The following C18orf54 variants were observed in gnomAD, a reference collection of about 807,000 sequenced individuals.
The protein encoded by C18orf54 is lung adenoma susceptibility protein 2.
A neutral mutation model predicts 49.3 loss-of-function variants in C18orf54; 49 were observed. That is an observed-to-expected ratio of 0.99 (90% confidence interval 0.79 to 1.26). The LOEUF (loss-of-function observed/expected upper bound fraction) is 1.26. C18orf54 is among the 50% of genes most tolerant of loss of function. The probability of loss-of-function intolerance (pLI) is 0.00; values close to 1 mark genes in which losing one functional copy is unlikely to be tolerated. For synonymous variants in C18orf54, 211 were observed against 216.6 expected (o/e 0.97, Z 0.23); for missense variants, 687 against 620.6 (o/e 1.11, Z -1.14).
chr18:54,363,408 C>T (rs2089312425), intron 5 of C18orf54, among the ~76,000 whole-genome samples: 1 of 152,144 alleles, frequency 6.6e-6, no homozygotes, highest in African/African-American at 2.4e-5. Context: ...ACCTCCGCCT[C>T]CTGGGTTCAA....
chr18:54,378,266 A>G lies in C18orf54; in HGVS notation c.*20A>G. The G allele has an allele frequency of 1.2e-6, 2 of 1,600,258 alleles. No individual in the cohort carries two copies. The highest frequency in any genetic ancestry group is 1.7e-6 in the Non-Finnish European group (2 of 1,167,804). On this transcript the variant is annotated 3_prime_UTR_variant, in exon 9 of 9. Transcript: ENST00000620105. ...ATGTGAAGAGGAAAATGAAACTGTC[A>G]CCACAATGAATAGTCACCACAGAAC...
At chr18:54,362,537 C>A in intron 4 of C18orf54, 106 bp downstream of exon 4, 1 of 1,002,910 alleles carries the variant, frequency 1.0e-6, no homozygotes, top group Non-Finnish European at 1.4e-6. Context: ...GTTTTGTTTT[C>A]ATGTAATACA....
intron 6 of C18orf54, among the ~76,000 whole-genome samples, chr18:54,369,404 T>C (rs1233544460): frequency 1.3e-5 from 2 of 151,810 alleles, no homozygotes; most frequent in Non-Finnish European, 2.9e-5. Context: ...GGTTTTAGAA[T>C]TGCTAACCCA....
At chr18:54,364,527 A>T (rs571387319) in intron 5 of C18orf54, among the ~76,000 whole-genome samples, 1 of 152,242 alleles carries the variant, frequency 6.6e-6, no homozygotes, top group East Asian at 1.9e-4. Flanking sequence ...TTTGAGATTG[A>T]CAAATTATTA....
At chr18:54,363,269 C>G (rs1218699444) in intron 5 of C18orf54, among the ~76,000 whole-genome samples, 1 of 152,172 alleles carries the variant, frequency 6.6e-6, no homozygotes, top group Admixed American at 6.5e-5. Context: ...AGCTTTTCCT[C>G]TGTTCCTCTA....
Position 54,361,735 on chromosome 18 carries a change from GAT to G in C18orf54, c.377_378del (p.Asp126GlyfsTer39). 4.3e-6 allele frequency: 7 copies of G among 1,613,998 alleles called. No individual in the cohort carries two copies. Among genetic ancestry groups the G allele is most frequent in the Non-Finnish European group, 5.9e-6 (7 of 1,179,910 alleles). The part of the protein sequence containing the change: ...NDIDSMSLTT[D>X]DLLRLPADGS... Reference sequence around the variant, plus strand: ...CATAGACTCCATGAGCCTAACAACTGATGATCTATTAAGACTCCCAGCAGATG... The same window carrying G: ...CATAGACTCCATGAGCCTAACAACTGGATCTATTAAGACTCCCAGCAGATG... On this transcript the variant is annotated frameshift_variant, in exon 4 of 9. Coordinates refer to ENST00000620105, the MANE Select transcript of C18orf54 (RefSeq NM_001288980.2). LOFTEE classifies it high-confidence loss of function.
intron 6 of C18orf54, among the ~76,000 whole-genome samples, chr18:54,368,689 A>G (rs1413836795): frequency 6.6e-6 from 1 of 152,122 alleles, no homozygotes; most frequent in East Asian, 1.9e-4. Flanking sequence ...ATTATTAAAT[A>G]TATTATAAAG....
At chr18:54,373,657 G>A (rs900572137) in intron 7 of C18orf54, among the ~76,000 whole-genome samples, 38 of 151,888 alleles carry the variant, frequency 2.5e-4, no homozygotes, top group African/African-American at 8.9e-4. Context: ...TAGTGAGGTT[G>A]TTGAGAAGAC....
rs529364723 is a variant in C18orf54 at position 54,380,905 on chromosome 18, A to G, written c.*2659A>G. The stretch of plus-strand genomic sequence containing the variant: ...TCAGAACATTTTTGGTAGAAGTGCT[A>G]TCCAGAAGTGAACTTGTCAAAAGGC... On this transcript the variant is annotated 3_prime_UTR_variant, in exon 9 of 9. Coordinates refer to ENST00000620105, the MANE Select transcript of C18orf54 (RefSeq NM_001288980.2). The G allele has an allele frequency of 6.6e-6, 1 of 152,238 alleles. No individual in the cohort carries two copies. The highest frequency in any genetic ancestry group is 2.4e-5 in the African/African-American group (1 of 41,560). The allele number at this position is 152,238 out of a possible 1,614,324, so 9.4% of individuals were successfully genotyped here. A position where few individuals can be genotyped will look rare whatever the true frequency, so the allele number is the denominator to read the frequency against.
chr18:54,373,239 A>G (rs746608335), intron 7 of C18orf54, among the ~76,000 whole-genome samples: 1 of 151,834 alleles, frequency 6.6e-6, no homozygotes, highest in African/African-American at 2.4e-5. Context: ...AGCAAGTGCA[A>G]TATTTGTGCA....
intron 7 of C18orf54, among the ~76,000 whole-genome samples, chr18:54,373,857 C>A (rs919553885): frequency 6.6e-6 from 1 of 151,750 alleles, no homozygotes; most frequent in African/African-American, 2.4e-5. Flanking sequence ...TAATTTCTGT[C>A]CTTACATTCT....
chr18:54,369,694 C>T (rs998234174), intron 6 of C18orf54, among the ~76,000 whole-genome samples: 18 of 152,014 alleles, frequency 1.2e-4, no homozygotes, highest in South Asian at 4.1e-4. Flanking sequence ...GTCTTGAACT[C>T]CTGACCTCAA....
chr18:54,373,632 A>G (rs530607196), intron 7 of C18orf54, among the ~76,000 whole-genome samples: 7 of 151,846 alleles, frequency 4.6e-5, no homozygotes, highest in South Asian at 2.1e-4. Flanking sequence ...TCATTTATCA[A>G]TTTCCTTTTC....
At chr18:54,363,816 T>A (rs933102659) in intron 5 of C18orf54, 43 of 69,576 alleles carry the variant, frequency 6.2e-4, no homozygotes, top group African/African-American at 3.5e-3. Context: ...TGGATTCTTT[T>A]TGTTTTTTAT....
At chr18:54,363,000 G>A (rs189734541) in intron 5 of C18orf54, 79 bp downstream of exon 5, 47 of 1,334,700 alleles carry the variant, frequency 3.5e-5, no homozygotes, top group African/African-American at 3.1e-4. Context: ...ATATTTAAAC[G>A]AACGGTAATT....
Position 54,372,475 on chromosome 18 carries a change from C to CT in C18orf54, c.1337dup (p.Ser447LeufsTer10). ...TCTGTTTTAACCTTAGAGCTGTACT[C>CT]TCTCTGGAGGCAAACATCATGGTCC... On this transcript the variant is annotated frameshift_variant, in exon 7 of 9. Coordinates refer to ENST00000620105, the MANE Select transcript of C18orf54 (RefSeq NM_001288980.2). LOFTEE classifies it high-confidence loss of function. 6.2e-7 allele frequency: 1 copy of CT among 1,607,078 alleles called. No individual in the cohort carries two copies. The highest frequency in any genetic ancestry group is 8.5e-7 in the Non-Finnish European group (1 of 1,176,410).
At chr18:54,363,741 T>C (rs958974190) in intron 5 of C18orf54, among the ~76,000 whole-genome samples, 1 of 152,242 alleles carries the variant, frequency 6.6e-6, no homozygotes, top group Admixed American at 6.5e-5. Flanking sequence ...GCCTTAGGCT[T>C]TGATAATTTA....
intron 2 of C18orf54, 35 bp from the exon 3 acceptor site, chr18:54,360,492 A>C (rs1238151162): frequency 1.4e-6 from 2 of 1,414,206 alleles, no homozygotes; most frequent in African/African-American, 2.9e-5. Context: ...GGTCACTTTT[A>C]ATTGGCATCT....
intron 8 of C18orf54, among the ~76,000 whole-genome samples, chr18:54,375,245 G>A (rs1218817723): frequency 6.6e-6 from 1 of 151,712 alleles, no homozygotes; most frequent in Non-Finnish European, 1.5e-5. Flanking sequence ...TATAATTCAT[G>A]TGATCTTCAC....
Sources: gnomAD v4.1 joint callset for allele counts (sites outside exome capture counted in the v4.1 genomes callset) on GRCh38, gnomAD v4.1.1 for gene constraint, MANE v1.5 for transcripts, NCBI Gene and HGNC (gene_info 2026-07-23, HGNC 2026-07-21) for gene names.